The following PARD3 variants were observed in gnomAD, a reference collection of about 807,000 sequenced individuals.
PARD3 encodes par-3 family cell polarity regulator.
A neutral mutation model predicts 155.4 loss-of-function variants in PARD3; 75 were observed. The ratio of observed to expected loss-of-function variants is 0.48; its 90% confidence interval spans 0.40 to 0.58. The LOEUF is 0.58. PARD3 is among the 20% of genes least tolerant of loss of function. PARD3 has a pLI of 0.00. For missense variants in PARD3, 1,642 were observed against 1,721.7 expected (o/e 0.95, Z 0.82); for synonymous variants, 576 against 610.5 (o/e 0.94, Z 0.83).
chr10:34,252,207 C>T (rs937186369), intron 22 of PARD3, among the ~76,000 whole-genome samples: 2 of 152,096 alleles, frequency 1.3e-5, no homozygotes, highest in African/African-American at 4.8e-5. Context: ...TGCCTGCCTG[C>T]CCCCAGCTGC....
chr10:34,588,615 G>A (rs1270615502), intron 2 of PARD3, among the ~76,000 whole-genome samples: 1 of 152,102 alleles, frequency 6.6e-6, no homozygotes, highest in Non-Finnish European at 1.5e-5. Context: ...CAGGGAGTTG[G>A]GGTTTTAAAC....
chr10:34,441,552 T>C (rs1385447900), intron 5 of PARD3, among the ~76,000 whole-genome samples: 3 of 152,210 alleles, frequency 2.0e-5, no homozygotes, highest in South Asian at 2.1e-4. Flanking sequence ...TTGTTAAATA[T>C]ATGGAAAAGT....
intron 22 of PARD3, among the ~76,000 whole-genome samples, chr10:34,133,742 G>A (rs919334778): frequency 6.6e-6 from 1 of 152,118 alleles, no homozygotes; most frequent in African/African-American, 2.4e-5. Flanking sequence ...CACATATTTT[G>A]AAGAATCTCA....
chr10:34,136,661 G>C (rs57053275), intron 22 of PARD3, among the ~76,000 whole-genome samples: 1 of 152,126 alleles, frequency 6.6e-6, no homozygotes, highest in Non-Finnish European at 1.5e-5. Flanking sequence ...GAGAAGAAAA[G>C]CTGCCAAAGA....
intron 2 of PARD3, among the ~76,000 whole-genome samples, chr10:34,689,276 G>A (rs141998284): frequency 6.6e-5 from 10 of 152,288 alleles, no homozygotes; most frequent in East Asian, 1.9e-4. Flanking sequence ...GAAAAGAGCC[G>A]TGCGACCGAC....
chr10:34,768,463 A>G (rs967071513), intron 1 of PARD3, among the ~76,000 whole-genome samples: 3 of 148,292 alleles, frequency 2.0e-5, no homozygotes, highest in South Asian at 2.1e-4. Context: ...TAGATAAAAG[A>G]TAAGAGACAA....
chr10:34,171,627 T>C (rs1331565457), intron 22 of PARD3, among the ~76,000 whole-genome samples: 1 of 151,992 alleles, frequency 6.6e-6, no homozygotes, highest in East Asian at 1.9e-4. Flanking sequence ...TATTCACAAA[T>C]ACAATCTGCA....
intron 12 of PARD3, among the ~76,000 whole-genome samples, chr10:34,363,315 C>G (rs1461248281): frequency 1.0e-5 from 1 of 98,100 alleles, no homozygotes. Flanking sequence ...GCATATTCTC[C>G]AGGGGATAGT....
chr10:34,627,329 C>G (rs2092029378), intron 2 of PARD3, among the ~76,000 whole-genome samples: 2 of 152,146 alleles, frequency 1.3e-5, no homozygotes, highest in African/African-American at 4.8e-5. Flanking sequence ...TGCCCAGCTG[C>G]CCATCTATTA....
Position 34,470,176 on chromosome 10 carries a change from T to G in PARD3, c.491A>C (p.Glu164Ala). Residue 164 changes from glutamate to alanine, a missense_variant, in exon 4 of 25, where the codon GAG becomes GCG. Transcript: ENST00000374788. Reference protein sequence around the residue: ...SVSDSNFSSEEPSRKNPTRWS... With the variant: ...SVSDSNFSSEAPSRKNPTRWS... ...GCGTGTGGGATTTTTCCTTGAAGGC[T>G]CTTCAGAGGAAAAATTACTATCACT... The G allele has an allele frequency of 1.2e-6, 2 of 1,613,286 alleles. No homozygotes were observed. The highest frequency in any genetic ancestry group is 1.6e-4 in the Middle Eastern group (1 of 6,062).
chr10:34,343,939 G>C (rs181465686), intron 15 of PARD3: 68 of 980,822 alleles, frequency 6.9e-5, no homozygotes, highest in Non-Finnish European at 7.9e-5. Context: ...CATGATACTA[G>C]AGGAAAACTG....
intron 1 of PARD3, among the ~76,000 whole-genome samples, chr10:34,789,729 A>G (rs1462740351): frequency 7.3e-6 from 1 of 137,616 alleles, no homozygotes; most frequent in African/African-American, 3.0e-5. Flanking sequence ...AAAAATAAGC[A>G]TTTGTATTTA....
chr10:34,641,515 A>G (rs901357250), intron 2 of PARD3, among the ~76,000 whole-genome samples: 3 of 152,208 alleles, frequency 2.0e-5, no homozygotes, highest in Non-Finnish European at 4.4e-5. Flanking sequence ...ACATACTAGT[A>G]AAAGGCACTG....
At chr10:34,451,498 A>G (rs2077054718) in intron 4 of PARD3, among the ~76,000 whole-genome samples, 1 of 152,164 alleles carries the variant, frequency 6.6e-6, no homozygotes, top group African/African-American at 2.4e-5. Flanking sequence ...CAGAAACAAA[A>G]AAGTGCAATA....
intron 22 of PARD3, among the ~76,000 whole-genome samples, chr10:34,147,576 C>T (rs1333279859): frequency 6.6e-6 from 1 of 151,684 alleles, no homozygotes; most frequent in East Asian, 1.9e-4. Flanking sequence ...TTTCCCTTTA[C>T]AATGTCTAAA....
At chr10:34,632,698 C>T (rs1214189104) in intron 2 of PARD3, among the ~76,000 whole-genome samples, 1 of 152,160 alleles carries the variant, frequency 6.6e-6, no homozygotes, top group Non-Finnish European at 1.5e-5. Flanking sequence ...CAGTCAAAAG[C>T]TTATTATACT....
chr10:34,413,717 T>C lies in PARD3; in HGVS notation c.715-11800A>G, dbSNP rs188965336. Among the ~76,000 whole-genome samples the C allele has an allele frequency of 4.7e-4, 72 of 152,258 alleles. No individual in the cohort carries two copies. In the East Asian group the frequency reaches 0.01, roughly 22 times the overall value. ...CAAATCATTTTGGCTCTGTTCTCTA[T>C]CATTCTGAAAATCACCCCTATATAT... On this transcript the variant is annotated intron_variant, in intron 5 of 24. Coordinates refer to ENST00000374788, the MANE Select transcript of PARD3 (RefSeq NM_001184785.2).
intron 5 of PARD3, 141 bp downstream of exon 5, chr10:34,450,176 C>A: frequency 5.7e-6 from 4 of 704,250 alleles, no homozygotes. Flanking sequence ...TAAACTCTGA[C>A]ATAGAGATTG....
chr10:34,609,789 C>T (rs1234001716), intron 2 of PARD3, among the ~76,000 whole-genome samples: 1 of 152,162 alleles, frequency 6.6e-6, no homozygotes, highest in African/African-American at 2.4e-5. Flanking sequence ...AATTCTCCCA[C>T]TTCAACCTCC....
Sources: allele counts gnomAD v4.1 joint callset (sites outside exome capture counted in the v4.1 genomes callset), GRCh38; gene constraint gnomAD v4.1.1; transcripts MANE v1.5; gene names NCBI Gene and HGNC (gene_info 2026-07-23, HGNC 2026-07-21).